CDK13: variants seen among roughly 807,000 people sequenced by gnomAD.
CDK13 encodes cyclin dependent kinase 13, also known as cyclin-dependent kinase 13.
CDK13 carries 40 observed loss-of-function variants against 137.6 expected under a neutral mutation model. The ratio of observed to expected loss-of-function variants is 0.29; its 90% confidence interval spans 0.23 to 0.38. The LOEUF is 0.38. CDK13 is among the 10% of genes least tolerant of loss of function. The pLI is 1.00. For synonymous variants in CDK13, 869 were observed against 760.1 expected (o/e 1.14, Z -2.36); for missense variants, 1,704 against 1,951.8 (o/e 0.87, Z 2.39).
intron 1 of CDK13, among the ~76,000 whole-genome samples, chr7:39,971,477 A>T (rs553989606): frequency 1.3e-5 from 2 of 152,310 alleles, no homozygotes; most frequent in South Asian, 4.1e-4. Flanking sequence ...AGATCTTGCC[A>T]CTACACTCCA....
intron 1 of CDK13, among the ~76,000 whole-genome samples, chr7:39,959,687 A>T (rs1404897112): frequency 6.6e-6 from 1 of 151,516 alleles, no homozygotes; most frequent in Non-Finnish European, 1.5e-5. Flanking sequence ...CTGGTCTCGA[A>T]CTCTTGAGCT....
chr7:40,063,165 C>A, intron 9 of CDK13, 65 bp downstream of exon 9: 1 of 1,241,080 alleles, frequency 8.1e-7, no homozygotes, highest in Non-Finnish European at 1.2e-6. Context: ...GAAATTTAAA[C>A]TCTCCCAAGT....
intron 5 of CDK13, among the ~76,000 whole-genome samples, chr7:40,009,576 G>A (rs1391817456): frequency 6.6e-6 from 1 of 152,200 alleles, no homozygotes; most frequent in Non-Finnish European, 1.5e-5. Context: ...CATTCTGAAT[G>A]TCCTTAGGGG....
At chr7:39,960,821 C>T (rs144055680) in intron 1 of CDK13, among the ~76,000 whole-genome samples, 1,923 of 151,916 alleles carry the variant, frequency 0.013, 29 homozygotes, top group African/African-American at 0.045. Context: ...GTGATCTGCC[C>T]ACCTTGGCCT....
In CDK13 at chr7:40,042,773, C is replaced by T. The variant is rs1785640899; in HGVS notation, c.2354-3063C>T. 4.7e-5 allele frequency among the ~76,000 whole-genome samples: 7 copies of T among 148,102 alleles called. No homozygotes were observed. In the South Asian group the frequency reaches 1.5e-3, roughly 32 times the overall value. On this transcript the variant is annotated intron_variant, in intron 5 of 13. Transcript: ENST00000181839. ...GGGATTACAGGTGTGAGCCACCGTG[C>T]TCCAGCCCTCCTTTTTTTTTTTTTG...
intron 7 of CDK13, among the ~76,000 whole-genome samples, chr7:40,052,640 A>G (rs1287131428): frequency 1.3e-5 from 2 of 152,130 alleles, no homozygotes; most frequent in Admixed American, 1.3e-4. Context: ...CCCTCCCAAA[A>G]CGCACACACC....
At chr7:40,093,319 GT>G in intron 13 of CDK13, 82 bp downstream of exon 13, 13 of 1,160,808 alleles carry the variant, frequency 1.1e-5, no homozygotes, top group African/African-American at 1.5e-5. Flanking sequence ...AATGTGTATA[GT>G]TCAGTGACAT....
chr7:39,969,649 C>G (rs1435780916), intron 1 of CDK13, among the ~76,000 whole-genome samples: 1 of 152,002 alleles, frequency 6.6e-6, no homozygotes, highest in East Asian at 1.9e-4. Flanking sequence ...ATTCCAGATG[C>G]CTCACCTCCT....
intron 2 of CDK13, among the ~76,000 whole-genome samples, chr7:39,995,124 G>A (rs924678927): frequency 6.6e-6 from 1 of 151,768 alleles, no homozygotes; most frequent in East Asian, 1.9e-4. Flanking sequence ...TTTGTTGCTG[G>A]GGTGTATAGA....
intron 5 of CDK13, among the ~76,000 whole-genome samples, chr7:40,022,535 C>CA (rs534811405): frequency 1.0e-3 from 157 of 151,978 alleles, no homozygotes; most frequent in Non-Finnish European, 1.5e-3. Flanking sequence ...TGTTGAGCAC[C>CA]AATTATATAC....
At chr7:40,059,484 A>G (rs570716969) in intron 7 of CDK13, among the ~76,000 whole-genome samples, 2 of 152,202 alleles carry the variant, frequency 1.3e-5, no homozygotes, top group South Asian at 4.2e-4. Flanking sequence ...TCAGCCTCCC[A>G]ATTAGCTGGG....
At position 40,099,074 on chromosome 7, in the gene CDK13, AAAAC is replaced by A. The variant is rs1373363550; in HGVS notation, c.*4097_*4100del. 4.0e-5 allele frequency: 6 copies of A among 151,774 alleles called. No individual in the cohort carries two copies. The highest frequency in any genetic ancestry group is 2.0e-4 in the Admixed American group (3 of 15,226). 9.4% of individuals were successfully genotyped at this position (151,774 alleles called of 1,614,324 possible). A position where few individuals can be genotyped will look rare whatever the true frequency, so the allele number is the denominator to read the frequency against. ...CTATTGATTTGGAACTTTAAAAAAA[AAAAC>A]AACAAAAAAATACTTTCAGGGTTTT... On this transcript the variant is annotated 3_prime_UTR_variant, in exon 14 of 14. Coordinates refer to ENST00000181839, the MANE Select transcript of CDK13 (RefSeq NM_003718.5).
chr7:39,958,438 A>G (rs1293191190), intron 1 of CDK13, among the ~76,000 whole-genome samples: 1 of 152,226 alleles, frequency 6.6e-6, no homozygotes, highest in Non-Finnish European at 1.5e-5. Flanking sequence ...ATAAGAGATT[A>G]AAAGGCCCCT....
rs2116067669 is a variant in CDK13 at position 39,951,572 on chromosome 7, AGGC to A, written c.940_942del (p.Arg314del). ...GGACAAGACCGAGCCTAAGGCCTAC[AGGC>A]GGCGGCGGTCCCTCAGCCCACTGGG... On this transcript the variant is annotated inframe_deletion, in exon 1 of 14. Coordinates refer to ENST00000181839, the MANE Select transcript of CDK13 (RefSeq NM_003718.5). 4.0e-6 allele frequency: 6 copies of A among 1,517,936 alleles called. No individual in the cohort carries two copies. Among genetic ancestry groups the A allele is most frequent in the Admixed American group, 2.2e-5 (1 of 45,880 alleles). 94.0% of individuals were successfully genotyped at this position (1,517,936 alleles called of 1,614,324 possible).
chr7:40,093,316 A>G (rs1437385439), intron 13 of CDK13, 79 bp downstream of exon 13: 11 of 1,199,936 alleles, frequency 9.2e-6, no homozygotes, highest in Non-Finnish European at 1.3e-5. Context: ...TATAATGTGT[A>G]TAGTTCAGTG....
At position 40,001,883 on chromosome 7, in the gene CDK13, A is replaced by T; in HGVS notation, c.2205A>T (p.Lys735Asn). The change falls in exon 5 of 14, where the codon AAA becomes AAT. Residue 735 changes from lysine to asparagine, a missense_variant. By Grantham distance (94) the Lys-to-Asn change is moderately conservative. Coordinates refer to ENST00000181839, the MANE Select transcript of CDK13 (RefSeq NM_003718.5). Reference sequence around the variant, plus strand: ...TAGGAGAAATGGTAGCCTTAAAAAAAGTACGTCTGGATAATGAAAAGGAAG... The same window carrying T: ...TAGGAGAAATGGTAGCCTTAAAAAATGTACGTCTGGATAATGAAAAGGAAG... The part of the protein sequence containing the change: ...KDTGEMVALK[K>N]VRLDNEKEGF... 1 of 1,607,432 alleles carries T rather than the reference A, an allele frequency of 6.2e-7. No individual in the cohort carries two copies. The highest frequency in any genetic ancestry group is 8.5e-7 in the Non-Finnish European group (1 of 1,176,382).
At chr7:40,039,254 T>C (rs892422988) in intron 5 of CDK13, among the ~76,000 whole-genome samples, 6 of 151,798 alleles carry the variant, frequency 4.0e-5, no homozygotes, top group African/African-American at 1.2e-4. Flanking sequence ...AGTTTTTATT[T>C]TATTTATATA....
chr7:40,021,668 G>A (rs1460280122), intron 5 of CDK13, among the ~76,000 whole-genome samples: 2 of 152,110 alleles, frequency 1.3e-5, no homozygotes, highest in South Asian at 2.1e-4. Flanking sequence ...AAATATATAT[G>A]TATAATGCTT....
rs2116045289 is a variant in CDK13, at chr7:39,950,647, G to A, written c.6G>A (p.Pro2=). Residue 2 remains proline, a synonymous_variant, in exon 1 of 14, where the codon CCG becomes CCA. Transcript: ENST00000181839. M[P]SSSDTALGGG... ...TCTGCGGCTGGCTCTAGGCGATGCC[G>A]AGCAGCTCGGACACGGCGCTGGGGG... is the stretch of plus-strand genomic sequence containing the variant. The A allele has an allele frequency of 7.5e-7, 1 of 1,335,826 alleles. No individual in the cohort carries two copies. The highest frequency in any genetic ancestry group is 9.6e-7 in the Non-Finnish European group (1 of 1,045,988). The allele number at this position is 1,335,826 out of a possible 1,614,324, so 82.7% of individuals were successfully genotyped here. A position where few individuals can be genotyped will look rare whatever the true frequency, so the allele number is the denominator to read the frequency against.
Sources: gnomAD v4.1 joint callset for allele counts (sites outside exome capture counted in the v4.1 genomes callset) on GRCh38, gnomAD v4.1.1 for gene constraint, MANE v1.5 for transcripts, NCBI Gene and HGNC (gene_info 2026-07-23, HGNC 2026-07-21) for gene names.